Variants in CD163L1 observed in about 807,000 individuals in gnomAD.
The protein encoded by CD163L1 is scavenger receptor cysteine-rich type 1 protein M160.
CD163L1 carries 124 observed loss-of-function variants against 165.4 expected under a neutral mutation model. That is an observed-to-expected ratio of 0.75 (90% CI 0.65 to 0.87). The LOEUF (loss-of-function observed/expected upper bound fraction) is 0.87, where lower values mean the gene tolerates loss of function less well. CD163L1 is among the 40% of genes least tolerant of loss of function. The pLI is 0.00. For missense variants in CD163L1, 1,525 were observed against 1,799.9 expected, an observed-to-expected ratio of 0.85 and a Z score of 2.76; for synonymous variants, 585 against 662.2, an observed-to-expected ratio of 0.88 and a Z score of 1.79.
chr12:7,407,923 C>G (rs963574529), intron 4 of CD163L1, among the ~76,000 whole-genome samples: 6 of 151,890 alleles, frequency 4.0e-5, no homozygotes, highest in African/African-American at 7.3e-5. Flanking sequence ...CCTTAGTTGG[C>G]CTTCTAATCT....
the CD163L1 span, among the ~76,000 whole-genome samples, chr12:7,320,368 T>C: frequency 6.6e-6 from 1 of 152,218 alleles, no homozygotes; most frequent in South Asian, 2.1e-4. Flanking sequence ...ATACTATCCA[T>C]GAATATATTG....
At chr12:7,373,279 AC>A in intron 14 of CD163L1, 40 bp downstream of exon 14, 1 of 1,515,412 alleles carries the variant, frequency 6.6e-7, no homozygotes. Flanking sequence ...GTTATATTTC[AC>A]AGGGCTTCAG....
intron 4 of CD163L1, among the ~76,000 whole-genome samples, chr12:7,410,848 T>A (rs952947157): frequency 3.5e-4 from 52 of 147,992 alleles, no homozygotes; most frequent in South Asian, 1.5e-3. Flanking sequence ...AAAAAATAAA[T>A]ATAAATATAA....
intron 4 of CD163L1, among the ~76,000 whole-genome samples, chr12:7,412,244 C>A (rs1157887659): frequency 6.6e-6 from 1 of 152,146 alleles, no homozygotes; most frequent in Non-Finnish European, 1.5e-5. Context: ...ATGATGTATT[C>A]CCTCACTTAA....
chr12:7,395,577 A>G (rs1010421464), intron 8 of CD163L1, among the ~76,000 whole-genome samples: 5 of 152,212 alleles, frequency 3.3e-5, no homozygotes, highest in South Asian at 2.1e-4. Flanking sequence ...CATGTACCCT[A>G]GAACTTAAAG....
intron 2 of CD163L1, 55 bp downstream of exon 2, chr12:7,441,099 G>A: frequency 1.6e-6 from 2 of 1,255,122 alleles, no homozygotes; most frequent in South Asian, 2.4e-5. Flanking sequence ...AGTGAGTAGG[G>A]GAAAGGTAGA....
At position 7,433,581 on chromosome 12, in the gene CD163L1, T is replaced by C; in HGVS notation, c.238A>G (p.Thr80Ala). ...GTVCDDGWNT[T>A]ASTVVCKQLG... The stretch of plus-strand genomic sequence containing the variant: ...TGTTTGCACACGACAGTTGAGGCAG[T>C]AGTGTTCCACCCATCATCACACACA... Residue 80 changes from threonine to alanine, a missense_variant, in exon 3 of 20, where the codon ACT (threonine) becomes GCT (alanine). Physicochemically the swap from Thr to Ala is moderately conservative, Grantham distance 58 (BLOSUM62 0). Coordinates refer to ENST00000313599, the MANE Select transcript of CD163L1 (RefSeq NM_174941.6). 1.9e-6 allele frequency: 3 copies of C among 1,614,138 alleles called. No homozygotes were observed. Among genetic ancestry groups the C allele is most frequent in the Non-Finnish European group, 2.5e-6 (3 of 1,180,002 alleles).
rs1170051803 is a variant in CD163L1, at chr12:7,398,585, C to T, written c.1409-1G>A. On this transcript the variant is annotated splice_acceptor_variant, in intron 6 of 19. Coordinates refer to ENST00000313599, the MANE Select transcript of CD163L1 (RefSeq NM_174941.6). LOFTEE classifies it high-confidence loss of function. This position sits in a 1 kb window ranked among gnomAD's most constrained non-coding sequence, Gnocchi z 4.5. ...AGCCTTAGGTCCAGATCTGCCTTATCTGCAAGCAAGACAAAACCACATATT... is the reference window on the plus strand; with the variant it reads ...AGCCTTAGGTCCAGATCTGCCTTATTTGCAAGCAAGACAAAACCACATATT... 4 of 1,549,058 alleles carry T rather than the reference C, an allele frequency of 2.6e-6. No homozygotes were observed. Among genetic ancestry groups the T allele is most frequent in the Non-Finnish European group, 3.5e-6 (4 of 1,151,962 alleles).
intron 8 of CD163L1, among the ~76,000 whole-genome samples, chr12:7,392,232 C>T (rs1411643158): frequency 6.6e-6 from 1 of 152,178 alleles, no homozygotes; most frequent in Non-Finnish European, 1.5e-5. Context: ...GTCTCTCAGA[C>T]CACAGCGCAA....
chr12:7,332,543 G>C, the CD163L1 span, among the ~76,000 whole-genome samples: 1 of 152,194 alleles, frequency 6.6e-6, no homozygotes, highest in African/African-American at 2.4e-5. Flanking sequence ...GAAAGGTCAG[G>C]TTACCCACAA....
chr12:7,361,022 T>C (rs993758986), intron 18 of CD163L1, among the ~76,000 whole-genome samples: 21 of 152,300 alleles, frequency 1.4e-4, no homozygotes, highest in African/African-American at 4.8e-4. Flanking sequence ...TAGGTTCAGA[T>C]TGCAAGTTCT....
At chr12:7,319,920 T>C in the CD163L1 span, among the ~76,000 whole-genome samples, 1 of 152,252 alleles carries the variant, frequency 6.6e-6, no homozygotes, top group Non-Finnish European at 1.5e-5. Context: ...AGATTTATGC[T>C]ATTTTTAGGT....
Position 7,368,632 on chromosome 12 carries a change from T to C in CD163L1, c.4072+301A>G. 6.6e-6 allele frequency among the ~76,000 whole-genome samples: 1 copy of C among 151,922 alleles called. No individual in the cohort carries two copies. The highest frequency in any genetic ancestry group is 1.9e-4 in the East Asian group (1 of 5,184). ...ATCTCTGCTTCCTGGGTTTAAGTGA[T>C]TCTCCTGAAGCTTGAGCTGTTTCTG... On this transcript the variant is annotated intron_variant, in intron 16 of 19. Coordinates refer to ENST00000313599, the MANE Select transcript of CD163L1 (RefSeq NM_174941.6). The surrounding 1 kb of genome is among the most constrained non-coding windows in gnomAD (Gnocchi z 4.3).
the CD163L1 span, among the ~76,000 whole-genome samples, chr12:7,339,095 T>C: frequency 6.6e-6 from 1 of 152,182 alleles, no homozygotes; most frequent in South Asian, 2.1e-4. Flanking sequence ...ATACCTATTA[T>C]AATGTGAGAA....
Position 7,403,637 on chromosome 12 carries a change from T to C in CD163L1, c.1306A>G (p.Ile436Val). 1 of 1,614,112 alleles carries C rather than the reference T, an allele frequency of 6.2e-7. No homozygotes were observed. The highest frequency in any genetic ancestry group is 8.5e-7 in the Non-Finnish European group (1 of 1,179,988). ...GCTGACTCATTCCCAGTGCAAGATA[T>C]GCTGTTTATCCAAATGTCTCTAGCT... ...NEARDIWINS[I>V]SCTGNESALW... Residue 436 changes from isoleucine (I) to valine (V), a missense_variant, in exon 6 of 20, where the codon ATA becomes GTA. Physicochemically the swap from Ile to Val is conservative, Grantham distance 29 (BLOSUM62 3). Coordinates refer to ENST00000313599, the MANE Select transcript of CD163L1 (RefSeq NM_174941.6).
chr12:7,423,966 C>A (rs780884366), intron 4 of CD163L1, among the ~76,000 whole-genome samples: 6 of 152,096 alleles, frequency 3.9e-5, no homozygotes, highest in East Asian at 3.9e-4. Flanking sequence ...GGACTCCTCC[C>A]GAACTCAATT....
At chr12:7,436,929 C>T (rs1324443387) in intron 2 of CD163L1, among the ~76,000 whole-genome samples, 3 of 151,092 alleles carry the variant, frequency 2.0e-5, no homozygotes, top group Non-Finnish European at 3.0e-5. Flanking sequence ...CAGAAAACTA[C>T]ACAGCCAATA....
chr12:7,342,691 T>C (rs770402758), downstream of CD163L1, among the ~76,000 whole-genome samples: 4 of 152,158 alleles, frequency 2.6e-5, no homozygotes, highest in African/African-American at 4.8e-5. Flanking sequence ...AGTGGTGCAG[T>C]GGCACGATCA....
At chr12:7,375,039 C>T (rs1947234906) in intron 11 of CD163L1, 116 bp from the exon 12 acceptor site, 2 of 1,009,152 alleles carry the variant, frequency 2.0e-6, no homozygotes, top group South Asian at 1.5e-5. Flanking sequence ...CAAACCCTGT[C>T]GTCTATTGAA....
Sources: gnomAD v4.1 joint callset for allele counts (sites outside exome capture counted in the v4.1 genomes callset) on GRCh38, gnomAD v4.1.1 for gene constraint, Gnocchi (gnomAD v3.1) non-coding constraint, MANE v1.5 for transcripts, NCBI Gene and HGNC (gene_info 2026-07-23, HGNC 2026-07-21) for gene names.